Variants in STIMATE observed in about 807,000 individuals in gnomAD.
STIMATE encodes the protein store-operated calcium entry regulator STIMATE.
A neutral mutation model predicts 36.7 loss-of-function variants in STIMATE; 15 were observed. That is an observed-to-expected ratio of 0.41 (90% CI 0.27 to 0.63). The LOEUF is 0.63. STIMATE is among the 20% of genes least tolerant of loss of function. The pLI is 0.32. For missense variants in STIMATE, 305 were observed against 397.3 expected, an observed-to-expected ratio of 0.77 and a Z score of 1.98; for synonymous variants, 163 against 162.3, an observed-to-expected ratio of 1.00 and a Z score of -0.03.
chr3:52,843,549 C>T (rs947793224), intron 6 of STIMATE, among the ~76,000 whole-genome samples, 172 bp downstream of exon 6: 1 of 152,012 alleles, frequency 6.6e-6, no homozygotes, highest in Admixed American at 6.5e-5. Flanking sequence ...GGGGCCCTGC[C>T]TTTTGAGGGG....
At chr3:52,852,259 A>T (rs2336559) in intron 3 of STIMATE, among the ~76,000 whole-genome samples, 4 of 152,152 alleles carry the variant, frequency 2.6e-5, no homozygotes, top group Admixed American at 6.5e-5. Flanking sequence ...CTGGTTCCAG[A>T]GCAGAGACAC....
At chr3:52,889,967 G>C (rs1701755590) in intron 1 of STIMATE, among the ~76,000 whole-genome samples, 1 of 152,096 alleles carries the variant, frequency 6.6e-6, no homozygotes, top group African/African-American at 2.4e-5. Flanking sequence ...TCTTTGTTCT[G>C]AGACCCTCTG....
chr3:52,845,301 G>A (rs369235973), intron 4 of STIMATE, among the ~76,000 whole-genome samples: 6 of 152,218 alleles, frequency 3.9e-5, no homozygotes, highest in East Asian at 1.9e-4. Context: ...ATTCTTATCC[G>A]TTGTTGATTT....
intron 1 of STIMATE, among the ~76,000 whole-genome samples, chr3:52,893,910 C>T (rs186182312): frequency 1.3e-5 from 2 of 152,206 alleles, no homozygotes; most frequent in Admixed American, 1.3e-4. Context: ...GAGCAAACAC[C>T]CCCAAATGCC....
At chr3:52,846,522 T>A (rs1027809092) in intron 4 of STIMATE, 2 of 152,246 alleles carry the variant, frequency 1.3e-5, no homozygotes, top group Non-Finnish European at 2.9e-5. Flanking sequence ...TATGGAAGGA[T>A]GTCCGCTCGC....
At chr3:52,871,282 CAAG>C (rs1301366710) in intron 1 of STIMATE, among the ~76,000 whole-genome samples, 1 of 152,148 alleles carries the variant, frequency 6.6e-6, no homozygotes, top group Admixed American at 6.5e-5. Flanking sequence ...CCTGTCCCGT[CAAG>C]AAGGCCACAG....
chr3:52,860,838 C>T (rs1244875150), intron 1 of STIMATE, among the ~76,000 whole-genome samples: 2 of 152,126 alleles, frequency 1.3e-5, no homozygotes, highest in African/African-American at 4.8e-5. Context: ...TTACACTGTT[C>T]CACGTGGTGG....
intron 4 of STIMATE, chr3:52,847,992 C>G (rs1040648921): frequency 6.1e-6 from 1 of 163,424 alleles, no homozygotes; most frequent in African/African-American, 2.4e-5. Context: ...AACAATCTTC[C>G]CAGAGGCTCC....
chr3:52,859,225 TG>T (rs1304641117), intron 1 of STIMATE, among the ~76,000 whole-genome samples: 2 of 150,494 alleles, frequency 1.3e-5, no homozygotes, highest in Admixed American at 1.3e-4. Flanking sequence ...TAGATCTATA[TG>T]GGCTAATATA....
chr3:52,882,242 G>A (rs982933986), intron 1 of STIMATE, among the ~76,000 whole-genome samples: 3 of 152,200 alleles, frequency 2.0e-5, no homozygotes, highest in African/African-American at 7.2e-5. Context: ...CCAGAGCAAG[G>A]GACCCAGCAG....
At chr3:52,895,372 T>C in intron 1 of STIMATE, among the ~76,000 whole-genome samples, 1 of 152,192 alleles carries the variant, frequency 6.6e-6, no homozygotes, top group East Asian at 1.9e-4. Flanking sequence ...CCTCCATTTC[T>C]GTGTCAGGGC....
chr3:52,893,174 A>G (rs1701808693), intron 1 of STIMATE, among the ~76,000 whole-genome samples: 1 of 152,236 alleles, frequency 6.6e-6, no homozygotes, highest in Non-Finnish European at 1.5e-5. Flanking sequence ...CTCCAGCTAT[A>G]AAAGACTTGT....
Position 52,897,418 on chromosome 3 carries a change from T to C in STIMATE, c.33A>G (p.Gly11=). 6.9e-7 allele frequency: 1 copy of C among 1,455,810 alleles called. No homozygotes were observed. Among genetic ancestry groups the C allele is most frequent in the Non-Finnish European group, 9.0e-7 (1 of 1,111,790 alleles). 90.2% of individuals were successfully genotyped at this position (1,455,810 alleles called of 1,614,324 possible). A position where few individuals can be genotyped will look rare whatever the true frequency, so the allele number is the denominator to read the frequency against. The change falls in exon 1 of 8, where the codon GGA becomes GGG. Residue 11 remains glycine, a synonymous_variant. Coordinates refer to ENST00000355083, the MANE Select transcript of STIMATE (RefSeq NM_198563.5). MQGPAGNASR[G]LPGGPPSTVA... is the part of the protein sequence containing the mutation. ...CTGTGGAGGGCGGCCCGCCTGGCAG[T>C]CCCCGGCTCGCGTTCCCGGCGGGGC... is the stretch of plus-strand genomic sequence containing the variant.
chr3:52,879,843 C>T (rs1456482191), intron 1 of STIMATE, among the ~76,000 whole-genome samples: 10 of 152,142 alleles, frequency 6.6e-5, no homozygotes, highest in Non-Finnish European at 1.2e-4. Context: ...TTAAAGAACA[C>T]GTGGAAAAGG....
At chr3:52,895,899 T>C in intron 1 of STIMATE, 9 of 1,289,806 alleles carry the variant, frequency 7.0e-6, no homozygotes, top group Non-Finnish European at 9.1e-6. Flanking sequence ...AACACACACG[T>C]ACAGTACATG....
At chr3:52,844,733 G>C in intron 5 of STIMATE, 96 bp downstream of exon 5, 2 of 1,410,612 alleles carry the variant, frequency 1.4e-6, no homozygotes, top group Admixed American at 1.9e-5. Flanking sequence ...GTTAAAACAA[G>C]TTTGGTTTTC....
At chr3:52,856,950 A>C (rs80000360) in intron 1 of STIMATE, among the ~76,000 whole-genome samples, 4 of 152,232 alleles carry the variant, frequency 2.6e-5, no homozygotes, top group African/African-American at 9.7e-5. Context: ...TGCCTGTGTG[A>C]TACTTTCCCA....
chr3:52,881,586 C>T (rs1431967691), intron 1 of STIMATE, among the ~76,000 whole-genome samples: 2 of 152,072 alleles, frequency 1.3e-5, no homozygotes, highest in Non-Finnish European at 2.9e-5. Context: ...GCCTGTATCC[C>T]AGCTACTTGG....
At chr3:52,883,039 A>G (rs1004202353) in intron 1 of STIMATE, among the ~76,000 whole-genome samples, 2 of 152,230 alleles carry the variant, frequency 1.3e-5, no homozygotes, top group Non-Finnish European at 2.9e-5. Context: ...ACTTGTTACT[A>G]TCACACTTAA....
Sources: allele counts gnomAD v4.1 joint callset (sites outside exome capture counted in the v4.1 genomes callset), GRCh38; gene constraint gnomAD v4.1.1; transcripts MANE v1.5; gene names NCBI Gene and HGNC (gene_info 2026-07-23, HGNC 2026-07-21).